ADA2: variants seen among roughly 807,000 people sequenced by gnomAD.
ADA2 encodes adenosine deaminase CECR1.
In ADA2, 29 loss-of-function variants were observed where a neutral mutation model predicts 44.2. That is an observed-to-expected ratio of 0.66 (90% CI 0.49 to 0.89). The LOEUF (loss-of-function observed/expected upper bound fraction) is 0.89, where lower values mean the gene tolerates loss of function less well. ADA2 is among the 40% of genes least tolerant of loss of function. ADA2 has a pLI of 0.00. For missense variants in ADA2, 637 were observed against 644.8 expected (o/e 0.99, Z 0.13); for synonymous variants, 215 against 234.9 (o/e 0.92, Z 0.77).
At chr22:17,205,845 G>GTGCACAC (rs1344791509) in intron 3 of ADA2, among the ~76,000 whole-genome samples, 4 of 151,502 alleles carry the variant, frequency 2.6e-5, no homozygotes, top group African/African-American at 9.8e-5. Flanking sequence ...GGGCATGATG[G>GTGCACAC]TGCACACCTC....
intron 7 of ADA2, among the ~76,000 whole-genome samples, chr22:17,183,571 C>T (rs549914137): frequency 2.7e-5 from 4 of 149,872 alleles, no homozygotes; most frequent in Admixed American, 6.8e-5. Flanking sequence ...AGCGGATTCT[C>T]CTGCCTCAGC....
chr22:17,214,438 G>C (rs879110388), intron 1 of ADA2, among the ~76,000 whole-genome samples: 1 of 152,210 alleles, frequency 6.6e-6, no homozygotes, highest in Non-Finnish European at 1.5e-5. Flanking sequence ...GCCCATTTCT[G>C]TGTCCGTACC....
chr22:17,195,422 G>A (rs28750358), intron 4 of ADA2, among the ~76,000 whole-genome samples: 14,275 of 152,012 alleles, frequency 0.094, 878 homozygotes, highest in East Asian at 0.26. Context: ...CCAGCTACTG[G>A]GGAGGCTGAG....
chr22:17,202,439 G>T (rs1188922909), intron 4 of ADA2, among the ~76,000 whole-genome samples: 1 of 151,884 alleles, frequency 6.6e-6, no homozygotes, highest in Non-Finnish European at 1.5e-5. Flanking sequence ...GCTAATTTTT[G>T]TATTTTTAGT....
chr22:17,181,858 G>A lies in ADA2; in HGVS notation c.1404C>T (p.Asp468=), dbSNP rs765537418. Residue 468 remains aspartate (D), a synonymous_variant, in exon 9 of 10, where the codon GAC becomes GAT. Transcript: ENST00000399837. ...VFMGIGGMKA[D]LRTLKQLAMN... ...TGGCCAGCTGTTTGAGGGTCCTCAG[G>A]TCAGCCTTCATCCCCCCAATGCCCA... 1 of 1,614,048 alleles carries A rather than the reference G, an allele frequency of 6.2e-7. No individual in the cohort carries two copies. The highest frequency in any genetic ancestry group is 8.5e-7 in the Non-Finnish European group (1 of 1,180,002).
In ADA2 at chr22:17,207,122, A is replaced by G. The variant is rs2062361366; in HGVS notation, c.491T>C (p.Leu164Pro). The change falls in exon 3 of 10, where the codon CTG becomes CCG. Residue 164 changes from leucine to proline, a missense_variant. Physicochemically the swap from Leu to Pro is moderately conservative, Grantham distance 98. Transcript: ENST00000399837. The part of the protein sequence containing the change: ...RPSEKCSKWI[L>P]LEDYRKRVQN... ...CACCCGCTTCCGATAATCCTCCAGC[A>G]GAATCCACTTGGAACATTTTTCTGA... The G allele has an allele frequency of 6.2e-7, 1 of 1,614,272 alleles. No individual in the cohort carries two copies. The highest frequency in any genetic ancestry group is 8.5e-7 in the Non-Finnish European group (1 of 1,180,046).
At chr22:17,191,456 G>T (rs2062113564) in intron 5 of ADA2, among the ~76,000 whole-genome samples, 1 of 152,206 alleles carries the variant, frequency 6.6e-6, no homozygotes, top group African/African-American at 2.4e-5. Flanking sequence ...ATTTCAGTTT[G>T]GGGGTGAAGA....
intron 3 of ADA2, among the ~76,000 whole-genome samples, chr22:17,205,517 A>G (rs1402711461): frequency 6.6e-6 from 1 of 152,210 alleles, no homozygotes; most frequent in Non-Finnish European, 1.5e-5. Context: ...AACTCGAATC[A>G]GCACCCAGGT....
At chr22:17,221,772 T>C (rs737968), upstream of ADA2, 106,762 of 152,120 alleles carry the variant, frequency 0.7, 38,379 homozygotes, top group East Asian at 0.89. Flanking sequence ...AGTTAGATCC[T>C]GGAGGCTGGC....
chr22:17,186,793 C>A lies in ADA2; in HGVS notation c.1081+1546G>T, dbSNP rs147634107. Among the ~76,000 whole-genome samples the A allele has an allele frequency of 6.6e-3, 977 of 149,150 alleles. 9 individuals carry two copies. Among genetic ancestry groups the A allele is most frequent in the African/African-American group, 0.023 (934 of 40,368 alleles). ...CTGAGGCAGAAGAATCACTTGAACC[C>A]GGGAGGCAGAGGTTGCAGTGAGCCA... On this transcript the variant is annotated intron_variant, in intron 7 of 9. Transcript: ENST00000399837.
At chr22:17,208,832 A>AGTTTTTTTTTTTTTTTTTTTTT (rs2062384981) in intron 2 of ADA2, among the ~76,000 whole-genome samples, 1 of 134,040 alleles carries the variant, frequency 7.5e-6, no homozygotes, top group African/African-American at 2.8e-5. Flanking sequence ...AAAAAAAAAA[A>AGTTTTTTTTTTTTTTTTTTTTT]TTAACATTTT....
chr22:17,184,109 G>A (rs1270745430), intron 7 of ADA2, among the ~76,000 whole-genome samples: 3 of 151,136 alleles, frequency 2.0e-5, no homozygotes, highest in Middle Eastern at 3.4e-3. Context: ...ACAGGCGCCC[G>A]CCACCACACC....
chr22:17,191,582 C>T (rs1032177692), intron 5 of ADA2, 101 bp downstream of exon 5: 49 of 1,316,922 alleles, frequency 3.7e-5, no homozygotes, highest in Non-Finnish European at 4.9e-5. Context: ...GGGCCTCTCC[C>T]GGCCTCCCAG....
intron 4 of ADA2, among the ~76,000 whole-genome samples, chr22:17,195,533 AAAAAC>A (rs1568978104): frequency 2.6e-5 from 4 of 151,638 alleles, no homozygotes; most frequent in Admixed American, 2.6e-4. Context: ...CGTCTCAAAA[AAAAAC>A]AAAACAAAAC....
chr22:17,188,680 C>T (rs1457991371), intron 6 of ADA2: 4 of 328,440 alleles, frequency 1.2e-5, no homozygotes, highest in East Asian at 6.1e-5. Flanking sequence ...GAGATCGAGA[C>T]CATCCTGGCT....
intron 4 of ADA2, among the ~76,000 whole-genome samples, chr22:17,194,617 A>G (rs1371583115): frequency 6.6e-6 from 1 of 151,330 alleles, no homozygotes; most frequent in Non-Finnish European, 1.5e-5. Flanking sequence ...GCCCCCCACA[A>G]CCTGCACCTG....
chr22:17,192,331 G>A (rs769230534), intron 4 of ADA2, among the ~76,000 whole-genome samples: 22 of 152,120 alleles, frequency 1.4e-4, no homozygotes, highest in African/African-American at 2.9e-4. Flanking sequence ...TGAAGAGCAG[G>A]TCACGGGGGG....
upstream of ADA2, among the ~76,000 whole-genome samples, chr22:17,220,471 G>T (rs2062515214): frequency 6.6e-6 from 1 of 152,166 alleles, no homozygotes; most frequent in African/African-American, 2.4e-5. Flanking sequence ...CCACCACAGA[G>T]GGTCCATTGT....
intron 4 of ADA2, among the ~76,000 whole-genome samples, chr22:17,196,254 G>A (rs1238620999): frequency 2.0e-5 from 3 of 149,808 alleles, no homozygotes; most frequent in African/African-American, 7.4e-5. Context: ...CCAGGAAGCG[G>A]AGGTTGCAGT....
Sources: allele counts gnomAD v4.1 joint callset (sites outside exome capture counted in the v4.1 genomes callset), GRCh38; gene constraint gnomAD v4.1.1; transcripts MANE v1.5; gene names NCBI Gene and HGNC (gene_info 2026-07-23, HGNC 2026-07-21).